The following RORB variants were observed in gnomAD, a reference collection of about 807,000 sequenced individuals.
RORB encodes the protein RAR related orphan receptor B.
Under a neutral mutation model 59.1 loss-of-function variants are expected in RORB, and 6 were observed. That is an observed-to-expected ratio of 0.10 (90% confidence interval 0.06 to 0.20). The LOEUF is 0.20. Among genes scored for constraint, RORB ranks in the 10% least tolerant of loss-of-function variants. The pLI is 1.00. For missense variants in RORB, 320 were observed against 560.5 expected, an observed-to-expected ratio of 0.57 and a Z score of 4.33; for synonymous variants, 215 against 204.5, an observed-to-expected ratio of 1.05 and a Z score of -0.44.
At chr9:74,612,766 A>T (rs2118361900) in intron 1 of RORB, among the ~76,000 whole-genome samples, 1 of 152,312 alleles carries the variant, frequency 6.6e-6, no homozygotes, top group South Asian at 2.1e-4. Flanking sequence ...ATAACCTTGA[A>T]GTAGTTCACA....
At chr9:74,584,968 G>A (rs781639041) in intron 1 of RORB, among the ~76,000 whole-genome samples, 7 of 152,166 alleles carry the variant, frequency 4.6e-5, no homozygotes, top group Admixed American at 1.3e-4. Context: ...TGTGTTGAAA[G>A]TGATGATACA....
intron 1 of RORB, among the ~76,000 whole-genome samples, chr9:74,556,224 A>G (rs1822288867): frequency 1.3e-5 from 2 of 152,230 alleles, no homozygotes; most frequent in African/African-American, 2.4e-5. Flanking sequence ...AGACGGAAGC[A>G]TTATATGAAT....
intron 1 of RORB, among the ~76,000 whole-genome samples, chr9:74,566,441 C>T (rs1715470012): frequency 6.6e-6 from 1 of 152,098 alleles, no homozygotes; most frequent in African/African-American, 2.4e-5. Context: ...CTACTATCAA[C>T]AGTTTTGTGT....
At chr9:74,585,156 G>C (rs1250420527) in intron 1 of RORB, among the ~76,000 whole-genome samples, 1 of 152,180 alleles carries the variant, frequency 6.6e-6, no homozygotes, top group South Asian at 2.1e-4. Flanking sequence ...TTTTTCAAAT[G>C]TGATGTTTTA....
intron 6 of RORB, among the ~76,000 whole-genome samples, chr9:74,663,861 G>T (rs536614936): frequency 6.6e-6 from 1 of 152,148 alleles, no homozygotes. Flanking sequence ...ACACTAGGGT[G>T]TTCTCTAGGT....
chr9:74,615,726 G>T, intron 1 of RORB: 1 of 344,020 alleles, frequency 2.9e-6, no homozygotes, highest in Non-Finnish European at 5.9e-6. Flanking sequence ...TAAGCTCTCA[G>T]CAAAATAAAT....
chr9:74,547,585 T>C (rs1485669570), intron 1 of RORB, among the ~76,000 whole-genome samples: 1 of 151,952 alleles, frequency 6.6e-6, no homozygotes, highest in Non-Finnish European at 1.5e-5. Flanking sequence ...AGATCTGAAG[T>C]TGGTAAGGGA....
chr9:74,683,352 T>G (rs1473876773), intron 9 of RORB, among the ~76,000 whole-genome samples: 1 of 152,210 alleles, frequency 6.6e-6, no homozygotes, highest in Non-Finnish European at 1.5e-5. Context: ...AGTGGACACT[T>G]GAACACTCTG....
intron 4 of RORB, among the ~76,000 whole-genome samples, chr9:74,658,086 A>T (rs1034153972): frequency 2.0e-5 from 3 of 151,590 alleles, no homozygotes; most frequent in African/African-American, 7.3e-5. Context: ...GACCTGATAT[A>T]GGGTACCTTC....
At chr9:74,616,837 C>T (rs536405114) in intron 1 of RORB, among the ~76,000 whole-genome samples, 1 of 152,020 alleles carries the variant, frequency 6.6e-6, no homozygotes, top group Non-Finnish European at 1.5e-5. Context: ...TGCACATACA[C>T]ACACACACAC....
At chr9:74,657,078 G>A (rs1824095455) in intron 4 of RORB, among the ~76,000 whole-genome samples, 4 of 152,132 alleles carry the variant, frequency 2.6e-5, no homozygotes, top group Admixed American at 1.3e-4. Flanking sequence ...ACGGAGTCAC[G>A]CTCTGTCACC....
At position 74,606,882 on chromosome 9, in the gene RORB, T is replaced by C. The variant is rs572297357; in HGVS notation, c.8-23400T>C. Among the ~76,000 whole-genome samples, 59 of 152,276 alleles carry C rather than the reference T, an allele frequency of 3.9e-4. 1 individual carries two copies. The highest frequency in any genetic ancestry group is 1.3e-4 in the Non-Finnish European group (9 of 68,022). ...ATGAACCAAACCTACACATCTAGGGTTAAAAAGCACTAATGTTTATAAAGA... is the reference window on the plus strand; with the variant it reads ...ATGAACCAAACCTACACATCTAGGGCTAAAAAGCACTAATGTTTATAAAGA... On this transcript the variant is annotated intron_variant, in intron 1 of 9. Transcript: ENST00000376896.
At chr9:74,519,995 A>G (rs1826062071) in intron 1 of RORB, among the ~76,000 whole-genome samples, 1 of 151,936 alleles carries the variant, frequency 6.6e-6, no homozygotes, top group Non-Finnish European at 1.5e-5. Context: ...ACTATATATT[A>G]TCCTTGAAAA....
intron 8 of RORB, among the ~76,000 whole-genome samples, chr9:74,669,494 A>G (rs1454387030): frequency 8.6e-5 from 13 of 151,158 alleles, no homozygotes; most frequent in Admixed American, 8.6e-4. Flanking sequence ...AAAAAAAAAA[A>G]AAGTATATGC....
At chr9:74,636,383 A>T (rs1484615082) in intron 3 of RORB, among the ~76,000 whole-genome samples, 1 of 152,224 alleles carries the variant, frequency 6.6e-6, no homozygotes, top group East Asian at 1.9e-4. Context: ...CTGGAAGAGC[A>T]GGTCTAAGTC....
At chr9:74,577,926 G>A (rs1433368427) in intron 1 of RORB, among the ~76,000 whole-genome samples, 1 of 151,970 alleles carries the variant, frequency 6.6e-6, no homozygotes, top group African/African-American at 2.4e-5. Context: ...CACAGTTCTC[G>A]GGCCCCAACT....
chr9:74,572,935 T>C (rs544412339), intron 1 of RORB, among the ~76,000 whole-genome samples: 1 of 152,330 alleles, frequency 6.6e-6, no homozygotes, highest in South Asian at 2.1e-4. Context: ...TAGCAAATTG[T>C]AGCTGAATTT....
intron 1 of RORB, among the ~76,000 whole-genome samples, chr9:74,605,536 T>C (rs1563950604): frequency 6.6e-6 from 1 of 152,192 alleles, no homozygotes; most frequent in African/African-American, 2.4e-5. Context: ...CTCCTTAGAT[T>C]AAAGAGGAAA....
At chr9:74,634,534 T>C (rs78376086) in intron 2 of RORB, 97 bp from the exon 3 acceptor site, 1 of 1,155,948 alleles carries the variant, frequency 8.7e-7, no homozygotes, top group African/African-American at 1.6e-5. Context: ...TAAACTCAGT[T>C]ATGTTCACTG....
Sources: allele counts gnomAD v4.1 joint callset (sites outside exome capture counted in the v4.1 genomes callset), GRCh38; gene constraint gnomAD v4.1.1; transcripts MANE v1.5; gene names NCBI Gene and HGNC (gene_info 2026-07-23, HGNC 2026-07-21).